TEX11: variants seen among roughly 807,000 people sequenced by gnomAD.
TEX11 encodes testis expressed 11, also known as testis-expressed protein 11.
A neutral mutation model predicts 84.4 loss-of-function variants in TEX11; 7 were observed. That is an observed-to-expected ratio of 0.08 (90% confidence interval 0.05 to 0.16). The LOEUF (loss-of-function observed/expected upper bound fraction) is 0.16, where lower values mean the gene tolerates loss of function less well. Ranked by LOEUF, TEX11 falls within the 10% of genes least tolerant of loss-of-function variation. The pLI is 1.00. For missense variants in TEX11, 551 were observed against 660.5 expected, an observed-to-expected ratio of 0.83 and a Z score of 1.82; for synonymous variants, 264 against 222.8, an observed-to-expected ratio of 1.18 and a Z score of -1.64.
chrX:70,720,071 G>A (rs1222528018), intron 13 of TEX11, among the ~76,000 whole-genome samples: 2 of 111,893 alleles, frequency 1.8e-5, no homozygotes, highest in African/African-American at 6.5e-5. Context: ...ACATGCACAC[G>A]TATGTTCATT....
chrX:70,905,329 G>GA (rs909771494), intron 2 of TEX11, among the ~76,000 whole-genome samples: 12 of 106,330 alleles, frequency 1.1e-4, no homozygotes, highest in South Asian at 8.1e-4. Context: ...TGTCTCAAAA[G>GA]AAAAAAAAAA....
intron 7 of TEX11, among the ~76,000 whole-genome samples, chrX:70,842,038 A>T (rs1221613056): frequency 9.0e-6 from 1 of 111,485 alleles, no homozygotes; most frequent in Non-Finnish European, 1.9e-5. Context: ...TCACAGCCGA[A>T]TTCTACCAGA....
intron 2 of TEX11, among the ~76,000 whole-genome samples, chrX:70,903,927 C>A (rs1185306850): frequency 9.6e-6 from 1 of 104,599 alleles, no homozygotes. Flanking sequence ...CTCAAGCGAT[C>A]CTCCCACCTC....
intron 7 of TEX11, among the ~76,000 whole-genome samples, chrX:70,839,209 A>AC (rs2147838831): frequency 1.0e-5 from 1 of 95,381 alleles, no homozygotes; most frequent in Non-Finnish European, 2.1e-5. Flanking sequence ...TGGGTCCCTG[A>AC]CCCCCAAGTA....
chrX:70,568,150 C>G (rs1453622207), intron 25 of TEX11, among the ~76,000 whole-genome samples: 2 of 111,433 alleles, frequency 1.8e-5, no homozygotes, highest in Non-Finnish European at 3.8e-5. Context: ...ATCCCTTTAC[C>G]ATTATGTAAT....
In TEX11 at chrX:70,599,109, T is replaced by C. The variant is rs1000656909; in HGVS notation, c.2067+6292A>G. On this transcript the variant is annotated intron_variant, in intron 24 of 29. Transcript: ENST00000374333. ...TCAAGGATAGGGATCAGGACACTTT[T>C]TGTACAAAAGGCCAGACAGTAAATA... Among the ~76,000 whole-genome samples, 5 of 111,727 alleles carry C rather than the reference T, an allele frequency of 4.5e-5. No homozygotes were observed. In the East Asian group the frequency reaches 1.4e-3, roughly 31 times the overall value.
chrX:70,526,718 A>C, downstream of TEX11, among the ~76,000 whole-genome samples: 1 of 111,756 alleles, frequency 8.9e-6, no homozygotes, highest in Non-Finnish European at 1.9e-5. Flanking sequence ...AGGACCTAGA[A>C]ATAATGTCAC....
chrX:70,906,439 T>A (rs2091834372), intron 2 of TEX11, among the ~76,000 whole-genome samples: 1 of 110,236 alleles, frequency 9.1e-6, no homozygotes, highest in African/African-American at 3.3e-5. Context: ...AGATATTTTA[T>A]CCTAATTTAA....
chrX:70,841,439 A>G (rs2091443386), intron 7 of TEX11, among the ~76,000 whole-genome samples: 1 of 111,391 alleles, frequency 9.0e-6, no homozygotes, highest in Non-Finnish European at 1.9e-5. Flanking sequence ...CAACGAGAAC[A>G]AAGACACAAC....
intron 9 of TEX11, among the ~76,000 whole-genome samples, chrX:70,781,175 T>C (rs5936983): frequency 0.4 from 44,758 of 110,562 alleles, 7,485 homozygotes; most frequent in East Asian, 0.55. Context: ...GCAAACAGGG[T>C]CTGGAGTGGA....
intron 8 of TEX11, among the ~76,000 whole-genome samples, chrX:70,824,250 C>T (rs1249552597): frequency 8.9e-6 from 1 of 111,751 alleles, no homozygotes; most frequent in Non-Finnish European, 1.9e-5. Flanking sequence ...CTCTAATATC[C>T]CCTGGCCTAA....
intron 2 of TEX11, among the ~76,000 whole-genome samples, chrX:70,905,923 C>T (rs930509121): frequency 1.3e-4 from 13 of 101,891 alleles, no homozygotes; most frequent in Non-Finnish European, 1.8e-4. Flanking sequence ...CATGGTGGCA[C>T]GTGCCTGTAA....
At chrX:70,535,462 T>C (rs1002309352) in intron 28 of TEX11, among the ~76,000 whole-genome samples, 5 of 111,900 alleles carry the variant, frequency 4.5e-5, no homozygotes, top group Non-Finnish European at 7.5e-5. Context: ...AAAATACATA[T>C]CTGCCTGGGT....
intron 27 of TEX11, among the ~76,000 whole-genome samples, 160 bp downstream of exon 27, chrX:70,553,146 G>T (rs898218522): frequency 9.0e-6 from 1 of 110,972 alleles, no homozygotes; most frequent in Non-Finnish European, 1.9e-5. Context: ...ATAATTATTG[G>T]TCTGTAATAC....
chrX:70,815,172 T>C (rs1286289234), intron 8 of TEX11, among the ~76,000 whole-genome samples: 2 of 112,282 alleles, frequency 1.8e-5, no homozygotes, highest in African/African-American at 6.5e-5. Context: ...ATCATGAGCA[T>C]TGTCTTGAGT....
chrX:70,774,480 TA>T (rs2090990297), intron 9 of TEX11, among the ~76,000 whole-genome samples: 1 of 110,800 alleles, frequency 9.0e-6, no homozygotes, highest in Non-Finnish European at 1.9e-5. Context: ...CAAGACTCCA[TA>T]AAAAACTCCT....
At chrX:70,709,959 G>C (rs2147696937) in intron 13 of TEX11, among the ~76,000 whole-genome samples, 1 of 110,831 alleles carries the variant, frequency 9.0e-6, no homozygotes, top group African/African-American at 3.3e-5. Context: ...CCACATTCTT[G>C]TTCTGTATTT....
intron 28 of TEX11, among the ~76,000 whole-genome samples, chrX:70,532,587 A>T (rs1324478238): frequency 1.8e-5 from 2 of 111,623 alleles, no homozygotes; most frequent in African/African-American, 3.3e-5. Flanking sequence ...AATACAAAAT[A>T]GCTGGGTGTG....
At chrX:70,780,068 A>T (rs993461789) in intron 9 of TEX11, among the ~76,000 whole-genome samples, 2 of 111,314 alleles carry the variant, frequency 1.8e-5, no homozygotes, top group Non-Finnish European at 3.8e-5. Context: ...GGAGTTTGAG[A>T]CCAGCAACCA....
Sources: gnomAD v4.1 joint callset for allele counts (sites outside exome capture counted in the v4.1 genomes callset) on GRCh38, gnomAD v4.1.1 for gene constraint, MANE v1.5 for transcripts, NCBI Gene and HGNC (gene_info 2026-07-23, HGNC 2026-07-21) for gene names.